Variants in PTPRD observed in about 807,000 individuals in gnomAD.
PTPRD encodes receptor-type tyrosine-protein phosphatase delta.
Under a neutral mutation model 214.5 loss-of-function variants are expected in PTPRD, and 34 were observed. The observed-to-expected ratio is 0.16, with a 90% CI of 0.12 to 0.21. The LOEUF is 0.21. Ranked by LOEUF, PTPRD falls within the 10% of genes least tolerant of loss-of-function variation. The pLI is 1.00. For synonymous variants in PTPRD, 1,128 were observed against 845.7 expected (o/e 1.33, Z -5.79); for missense variants, 2,545 against 2,398.7 (o/e 1.06, Z -1.27).
At chr9:9,945,573 CA>C (rs2092430815) in intron 4 of PTPRD, among the ~76,000 whole-genome samples, 1 of 152,044 alleles carries the variant, frequency 6.6e-6, no homozygotes, top group South Asian at 2.1e-4. Context: ...TTAAGTAATG[CA>C]AGTTGAAGAA....
At chr9:9,520,395 T>C (rs1284876804) in intron 8 of PTPRD, among the ~76,000 whole-genome samples, 1 of 151,534 alleles carries the variant, frequency 6.6e-6, no homozygotes, top group African/African-American at 2.4e-5. Context: ...TATTCAAACC[T>C]GCTCAAGTAT....
intron 9 of PTPRD, among the ~76,000 whole-genome samples, chr9:9,241,904 T>C (rs1342603621): frequency 6.6e-6 from 1 of 152,086 alleles, no homozygotes; most frequent in Non-Finnish European, 1.5e-5. Flanking sequence ...TAGGTGGTTA[T>C]TTTGCTCGTT....
At chr9:8,904,273 G>C (rs1349806982) in intron 11 of PTPRD, among the ~76,000 whole-genome samples, 2 of 152,142 alleles carry the variant, frequency 1.3e-5, no homozygotes, top group African/African-American at 2.4e-5. Flanking sequence ...TTAGAACTCA[G>C]TAAATTTAAG....
At chr9:9,465,626 C>T (rs1252897158) in intron 8 of PTPRD, among the ~76,000 whole-genome samples, 3 of 152,162 alleles carry the variant, frequency 2.0e-5, no homozygotes, top group African/African-American at 7.2e-5. Context: ...TTTTTGAGAA[C>T]GATCCTCTCT....
rs575070552 is a variant in PTPRD at position 9,620,062 on chromosome 9, T to G, written c.-286-45281A>C. 2.0e-5 allele frequency among the ~76,000 whole-genome samples: 3 copies of G among 151,990 alleles called. No individual in the cohort carries two copies. In the East Asian group the frequency reaches 5.8e-4, roughly 29 times the overall value. On this transcript the variant is annotated intron_variant, in intron 7 of 45. Transcript: ENST00000381196. ...AATGGGCATTGTTAACCTTGTATGG[T>G]TTTCCTTGGCATTGAAGTCCTTCTG...
intron 14 of PTPRD, among the ~76,000 whole-genome samples, chr9:8,611,604 G>T (rs7864086): frequency 0.031 from 4,634 of 151,894 alleles, 254 homozygotes; most frequent in African/African-American, 0.11. Context: ...ACTGGCAGGG[G>T]TCAGGTGGGA....
At chr9:9,083,462 C>T (rs907469423) in intron 10 of PTPRD, among the ~76,000 whole-genome samples, 4 of 152,050 alleles carry the variant, frequency 2.6e-5, no homozygotes, top group South Asian at 4.1e-4. Flanking sequence ...AGAAGAAAAC[C>T]TAGGCAATAC....
At chr9:8,565,110 T>C (rs1328301911) in intron 14 of PTPRD, among the ~76,000 whole-genome samples, 1 of 152,052 alleles carries the variant, frequency 6.6e-6, no homozygotes, top group South Asian at 2.1e-4. Flanking sequence ...CATGTGGCCA[T>C]GTAATCTGCT....
intron 2 of PTPRD, among the ~76,000 whole-genome samples, chr9:10,536,113 C>A (rs999674076): frequency 3.3e-5 from 5 of 152,040 alleles, no homozygotes; most frequent in Non-Finnish European, 7.4e-5. Flanking sequence ...TGGACCAAAT[C>A]CTAATCCATA....
chr9:8,956,390 A>G (rs1567226607), intron 11 of PTPRD, among the ~76,000 whole-genome samples: 1 of 151,884 alleles, frequency 6.6e-6, no homozygotes, highest in Non-Finnish European at 1.5e-5. Flanking sequence ...GATGACTATA[A>G]TTTTACATTG....
intron 3 of PTPRD, among the ~76,000 whole-genome samples, chr9:10,314,537 G>C (rs978575481): frequency 6.6e-6 from 1 of 151,854 alleles, no homozygotes; most frequent in African/African-American, 2.4e-5. Context: ...TATTAGAAGG[G>C]ACTGTGAGGC....
intron 5 of PTPRD, among the ~76,000 whole-genome samples, chr9:9,836,439 G>A (rs937687724): frequency 2.0e-5 from 3 of 152,102 alleles, no homozygotes; most frequent in Admixed American, 6.6e-5. Context: ...AGAGATTAAT[G>A]CAAACCCTCA....
intron 2 of PTPRD, among the ~76,000 whole-genome samples, chr9:10,484,346 T>A (rs771062276): frequency 6.6e-5 from 10 of 152,076 alleles, no homozygotes; most frequent in Non-Finnish European, 1.3e-4. Flanking sequence ...TTACAACATA[T>A]ACTATGTGGG....
At chr9:8,689,408 A>G (rs1244450703) in intron 12 of PTPRD, among the ~76,000 whole-genome samples, 1 of 152,188 alleles carries the variant, frequency 6.6e-6, no homozygotes, top group Admixed American at 6.5e-5. Flanking sequence ...GACACACCCA[A>G]GACTGGGAAG....
intron 9 of PTPRD, among the ~76,000 whole-genome samples, chr9:9,299,679 A>C (rs1464658641): frequency 6.6e-6 from 1 of 151,684 alleles, no homozygotes; most frequent in Admixed American, 6.6e-5. Context: ...TGCCCAAAGT[A>C]TTTTTGATTA....
At chr9:8,387,807 T>C (rs2087739850) in intron 37 of PTPRD, among the ~76,000 whole-genome samples, 1 of 152,200 alleles carries the variant, frequency 6.6e-6, no homozygotes, top group South Asian at 2.1e-4. Flanking sequence ...GAAATATCAA[T>C]GCACCTAATA....
At chr9:8,558,540 G>C (rs112966895) in intron 14 of PTPRD, among the ~76,000 whole-genome samples, 131 of 152,292 alleles carry the variant, frequency 8.6e-4, no homozygotes, top group African/African-American at 3.1e-3. Context: ...GATGGAGAGA[G>C]CTCAGAAACA....
chr9:10,606,925 CA>C (rs1273516160), intron 2 of PTPRD, among the ~76,000 whole-genome samples: 4 of 151,782 alleles, frequency 2.6e-5, no homozygotes, highest in African/African-American at 9.7e-5. Flanking sequence ...TAAATATTTG[CA>C]AACTTAAAAA....
At chr9:9,351,268 T>C (rs918419378) in intron 9 of PTPRD, among the ~76,000 whole-genome samples, 1 of 151,784 alleles carries the variant, frequency 6.6e-6, no homozygotes, top group Non-Finnish European at 1.5e-5. Flanking sequence ...AAAGAGAACA[T>C]AAAAAGAGGA....
Sources: gnomAD v4.1 joint callset for allele counts (sites outside exome capture counted in the v4.1 genomes callset) on GRCh38, gnomAD v4.1.1 for gene constraint, MANE v1.5 for transcripts, NCBI Gene and HGNC (gene_info 2026-07-23, HGNC 2026-07-21) for gene names.